Variants in PDE4D observed in about 807,000 individuals in gnomAD.
PDE4D encodes the protein 3',5'-cyclic-AMP phosphodiesterase 4D.
PDE4D carries 24 observed loss-of-function variants against 87.4 expected under a neutral mutation model. The ratio of observed to expected loss-of-function variants is 0.27; its 90% confidence interval spans 0.20 to 0.39. The LOEUF is 0.39. PDE4D is among the 10% of genes least tolerant of loss of function. The probability of loss-of-function intolerance (pLI) is 1.00; values close to 1 mark genes in which losing one functional copy is unlikely to be tolerated. For missense variants in PDE4D, 714 were observed against 1,041.0 expected, an observed-to-expected ratio of 0.69 and a Z score of 4.32; for synonymous variants, 384 against 383.2, an observed-to-expected ratio of 1.00 and a Z score of -0.02.
At chr5:59,666,643 G>A (rs908756213) in intron 1 of PDE4D, among the ~76,000 whole-genome samples, 14 of 152,152 alleles carry the variant, frequency 9.2e-5, no homozygotes, top group South Asian at 4.1e-4. Context: ...AATGCATAGC[G>A]TGGCTTACTG....
chr5:59,332,045 A>G (rs1461934985), intron 1 of PDE4D, among the ~76,000 whole-genome samples: 2 of 152,198 alleles, frequency 1.3e-5, no homozygotes, highest in Non-Finnish European at 2.9e-5. Context: ...GTATCTATGA[A>G]TAGAGAGCTC....
intron 1 of PDE4D, among the ~76,000 whole-genome samples, chr5:59,256,284 T>A (rs1409400936): frequency 6.6e-6 from 1 of 152,098 alleles, no homozygotes; most frequent in Non-Finnish European, 1.5e-5. Context: ...AATAACTTCC[T>A]TTTAAAAGAA....
chr5:59,216,562 G>A (rs899479488), intron 1 of PDE4D, among the ~76,000 whole-genome samples: 4 of 152,254 alleles, frequency 2.6e-5, no homozygotes, highest in Non-Finnish European at 4.4e-5. Flanking sequence ...AAACCCTTCA[G>A]TAACTTACCA....
At chr5:59,220,717 G>C (rs1254346237) in intron 1 of PDE4D, among the ~76,000 whole-genome samples, 2 of 151,950 alleles carry the variant, frequency 1.3e-5, no homozygotes, top group African/African-American at 4.8e-5. Flanking sequence ...CCACATCGTG[G>C]TGTTATGAAT....
At chr5:59,814,091 T>G (rs1372039475) in intron 1 of PDE4D, among the ~76,000 whole-genome samples, 1 of 152,198 alleles carries the variant, frequency 6.6e-6, no homozygotes, top group African/African-American at 2.4e-5. Flanking sequence ...AGAGATATGG[T>G]TGGTGACACT....
intron 1 of PDE4D, among the ~76,000 whole-genome samples, chr5:60,425,564 T>C (rs1266389837): frequency 7.3e-6 from 1 of 136,440 alleles, no homozygotes; most frequent in African/African-American, 3.0e-5. Flanking sequence ...ATGTTAGACA[T>C]AAAACCATAA....
At chr5:59,916,930 G>A (rs1445162115) in intron 3 of PDE4D, among the ~76,000 whole-genome samples, 2 of 150,326 alleles carry the variant, frequency 1.3e-5, no homozygotes, top group Non-Finnish European at 3.0e-5. Flanking sequence ...TGGGACCACA[G>A]GGGTGCACCA....
chr5:59,269,044 TA>T (rs1581691215), intron 1 of PDE4D, among the ~76,000 whole-genome samples: 2 of 151,806 alleles, frequency 1.3e-5, no homozygotes, highest in South Asian at 2.1e-4. Context: ...TTACCTCTCC[TA>T]AAAGGCAAGT....
intron 1 of PDE4D, among the ~76,000 whole-genome samples, chr5:60,482,201 T>C (rs1258490312): frequency 2.0e-5 from 3 of 152,144 alleles, no homozygotes; most frequent in East Asian, 1.9e-4. Flanking sequence ...GCTCACCCTC[T>C]TTCTGCCATG....
At chr5:60,487,596 C>T (rs1749255949) in intron 1 of PDE4D, 1 of 152,202 alleles carries the variant, frequency 6.6e-6, no homozygotes, top group African/African-American at 2.4e-5. Flanking sequence ...AAACTTAAAA[C>T]TTGCCTGACT....
chr5:60,153,247 T>G (rs1312938764), intron 2 of PDE4D, among the ~76,000 whole-genome samples: 1 of 152,170 alleles, frequency 6.6e-6, no homozygotes, highest in African/African-American at 2.4e-5. Flanking sequence ...AAAGAAGACA[T>G]GCAAATGGCT....
At chr5:59,056,334 C>G (rs1447250569) in intron 5 of PDE4D, among the ~76,000 whole-genome samples, 1 of 152,084 alleles carries the variant, frequency 6.6e-6, no homozygotes, top group African/African-American at 2.4e-5. Flanking sequence ...ACCACTGGAG[C>G]AAAGGACGAA....
chr5:60,385,619 T>C (rs1762142945), intron 1 of PDE4D, among the ~76,000 whole-genome samples: 1 of 152,246 alleles, frequency 6.6e-6, no homozygotes, highest in Non-Finnish European at 1.5e-5. Flanking sequence ...AGTCATTCCA[T>C]GACCTGTGTC....
chr5:59,973,286 T>G (rs543820669), intron 3 of PDE4D, among the ~76,000 whole-genome samples: 121 of 152,328 alleles, frequency 7.9e-4, no homozygotes, highest in African/African-American at 2.8e-3. Flanking sequence ...ACCACAATTT[T>G]GTAAATCAAA....
At chr5:59,436,166 T>C (rs1796772478) in intron 1 of PDE4D, among the ~76,000 whole-genome samples, 1 of 152,182 alleles carries the variant, frequency 6.6e-6, no homozygotes, top group Non-Finnish European at 1.5e-5. Flanking sequence ...GTTAATCTAC[T>C]CTTAAACACT....
chr5:60,257,619 T>C (rs1182485972), intron 1 of PDE4D, among the ~76,000 whole-genome samples: 2 of 152,002 alleles, frequency 1.3e-5, no homozygotes, highest in Non-Finnish European at 2.9e-5. Context: ...ATATTGACTT[T>C]TGTTACATCC....
intron 2 of PDE4D, among the ~76,000 whole-genome samples, chr5:60,103,645 C>T (rs751621508): frequency 7.9e-5 from 12 of 152,034 alleles, no homozygotes; most frequent in Non-Finnish European, 1.0e-4. Flanking sequence ...AAAAATAAAC[C>T]GAAGACAAAA....
intron 1 of PDE4D, among the ~76,000 whole-genome samples, chr5:60,366,066 G>C (rs886508529): frequency 5.1e-4 from 77 of 150,298 alleles, no homozygotes; most frequent in African/African-American, 1.8e-3. Flanking sequence ...AAAAAAATCT[G>C]GCCATTTCCA....
chr5:60,045,316 T>A (rs1196764325), intron 2 of PDE4D, among the ~76,000 whole-genome samples: 1 of 152,068 alleles, frequency 6.6e-6, no homozygotes, highest in African/African-American at 2.4e-5. Flanking sequence ...GTAGGTTGCC[T>A]GTTCACTCTG....
Sources: gnomAD v4.1 joint callset for allele counts (sites outside exome capture counted in the v4.1 genomes callset) on GRCh38, gnomAD v4.1.1 for gene constraint, MANE v1.5 for transcripts, NCBI Gene and HGNC (gene_info 2026-07-23, HGNC 2026-07-21) for gene names.